The following IL1RAPL2 variants were observed in gnomAD, a reference collection of about 807,000 sequenced individuals.
IL1RAPL2 encodes interleukin 1 receptor accessory protein like 2.
IL1RAPL2 carries 3 observed loss-of-function variants against 44.1 expected under a neutral mutation model. The ratio of observed to expected loss-of-function variants is 0.07; its 90% confidence interval spans 0.03 to 0.18. The LOEUF is 0.18. Among genes scored for constraint, IL1RAPL2 ranks in the 10% least tolerant of loss-of-function variants. IL1RAPL2 has a pLI of 1.00. For synonymous variants in IL1RAPL2, 181 were observed against 178.8 expected, an observed-to-expected ratio of 1.01 and a Z score of -0.10; for missense variants, 391 against 496.4, an observed-to-expected ratio of 0.79 and a Z score of 2.02.
At chrX:105,490,112 G>A (rs765593965) in intron 6 of IL1RAPL2, among the ~76,000 whole-genome samples, 9 of 111,666 alleles carry the variant, frequency 8.1e-5, no homozygotes, top group Non-Finnish European at 1.7e-4. Context: ...ACAGGCATGA[G>A]CCATCGAGCC....
chrX:105,188,025 A>G, intron 2 of IL1RAPL2, among the ~76,000 whole-genome samples: 1 of 111,931 alleles, frequency 8.9e-6, no homozygotes, highest in Admixed American at 9.6e-5. Flanking sequence ...CAAAAAAAGA[A>G]TATTGAAATA....
chrX:105,698,731 G>GA (rs753357123), intron 6 of IL1RAPL2, among the ~76,000 whole-genome samples: 1 of 112,201 alleles, frequency 8.9e-6, no homozygotes, highest in South Asian at 3.6e-4. Context: ...ATCAGTCTGT[G>GA]AAAAAATACT....
At chrX:105,083,295 G>A (rs1259177081) in intron 2 of IL1RAPL2, among the ~76,000 whole-genome samples, 2 of 111,314 alleles carry the variant, frequency 1.8e-5, no homozygotes, top group African/African-American at 6.5e-5. Context: ...TAAAAATATG[G>A]GATTATGTGA....
chrX:105,356,734 A>G (rs1479266403), intron 5 of IL1RAPL2, among the ~76,000 whole-genome samples: 2 of 112,266 alleles, frequency 1.8e-5, no homozygotes, highest in Non-Finnish European at 3.8e-5. Context: ...AATGCCAAAA[A>G]GACATATTAA....
rs777215164 is a variant in IL1RAPL2 at position 105,341,022 on chromosome X, T to C, written c.697+73481T>C. Among the ~76,000 whole-genome samples, 3 of 111,543 alleles carry C rather than the reference T, an allele frequency of 2.7e-5. No individual in the cohort carries two copies. In the Admixed American group the frequency reaches 2.9e-4, roughly 11 times the overall value. ...TTTAACTATATATATCTATTAATTA[T>C]GGAAGTAATTTAACTGACTGAAATT... is the stretch of plus-strand genomic sequence containing the variant. On this transcript the variant is annotated intron_variant, in intron 5 of 10. Coordinates refer to ENST00000372582, the MANE Select transcript of IL1RAPL2 (RefSeq NM_017416.2).
At chrX:104,815,696 T>C (rs1057050949) in intron 2 of IL1RAPL2, among the ~76,000 whole-genome samples, 2 of 111,577 alleles carry the variant, frequency 1.8e-5, no homozygotes, top group African/African-American at 6.5e-5. Flanking sequence ...AGACATAGTA[T>C]AAGATAAAGT....
intron 2 of IL1RAPL2, among the ~76,000 whole-genome samples, chrX:104,915,792 G>T (rs1331277963): frequency 2.7e-5 from 3 of 111,674 alleles, no homozygotes; most frequent in Non-Finnish European, 5.6e-5. Flanking sequence ...CATATGGCTA[G>T]CCCGTTTTCC....
At chrX:105,763,882 G>A (rs1282356969) in intron 10 of IL1RAPL2, among the ~76,000 whole-genome samples, 1 of 110,959 alleles carries the variant, frequency 9.0e-6, no homozygotes, top group Non-Finnish European at 1.9e-5. Flanking sequence ...AATGGAATAC[G>A]AGATTCAGGG....
chrX:105,268,838 A>G (rs1427425769), intron 5 of IL1RAPL2, among the ~76,000 whole-genome samples: 2 of 111,194 alleles, frequency 1.8e-5, no homozygotes, highest in African/African-American at 6.5e-5. Flanking sequence ...TGCTCTTACC[A>G]CAAAAATAAA....
At chrX:104,724,161 G>A (rs1024950422) in intron 2 of IL1RAPL2, among the ~76,000 whole-genome samples, 1 of 111,528 alleles carries the variant, frequency 9.0e-6, no homozygotes, top group African/African-American at 3.2e-5. Context: ...GGAAAAGTAT[G>A]ATTTGATTTG....
chrX:105,269,284 G>C (rs73245767), intron 5 of IL1RAPL2, among the ~76,000 whole-genome samples: 5,937 of 110,554 alleles, frequency 0.054, 180 homozygotes, highest in Non-Finnish European at 0.088. Flanking sequence ...GCTGAGTTAA[G>C]TTGATTGCTA....
At chrX:104,732,541 T>C (rs1181653249) in intron 2 of IL1RAPL2, among the ~76,000 whole-genome samples, 1 of 111,540 alleles carries the variant, frequency 9.0e-6, no homozygotes, top group Non-Finnish European at 1.9e-5. Flanking sequence ...GATACTGTCA[T>C]GCAAAAATAA....
chrX:105,160,786 T>C (rs1602984737), intron 2 of IL1RAPL2, among the ~76,000 whole-genome samples: 1 of 112,178 alleles, frequency 8.9e-6, no homozygotes, highest in East Asian at 2.8e-4. Context: ...TTCTCTGCTT[T>C]TAAACTGGAC....
intron 8 of IL1RAPL2, among the ~76,000 whole-genome samples, chrX:105,747,557 TAC>T (rs1424148044): frequency 3.0e-5 from 3 of 99,290 alleles, no homozygotes; most frequent in Non-Finnish European, 6.0e-5. Flanking sequence ...CACACATATA[TAC>T]ACACATATAT....
At chrX:105,003,351 A>C (rs1028085779) in intron 2 of IL1RAPL2, among the ~76,000 whole-genome samples, 4 of 111,404 alleles carry the variant, frequency 3.6e-5, no homozygotes, top group African/African-American at 1.3e-4. Flanking sequence ...CCCAAAATAC[A>C]GATGCTGAAT....
chrX:104,585,262 TATAATATATTA>T (rs1569487914), intron 1 of IL1RAPL2, among the ~76,000 whole-genome samples: 3 of 28,925 alleles, frequency 1.0e-4, no homozygotes, highest in African/African-American at 4.4e-4. Context: ...ATAATATATA[TATAATATATTA>T]TATATATTAT....
At chrX:104,893,538 G>A (rs928847344) in intron 2 of IL1RAPL2, among the ~76,000 whole-genome samples, 56 of 111,587 alleles carry the variant, frequency 5.0e-4, no homozygotes, top group African/African-American at 1.8e-3. Flanking sequence ...TTACCATTAT[G>A]TAATGGTCTT....
chrX:104,990,385 C>T (rs2030639612), intron 2 of IL1RAPL2, among the ~76,000 whole-genome samples: 1 of 107,351 alleles, frequency 9.3e-6, no homozygotes, highest in Non-Finnish European at 1.9e-5. Flanking sequence ...CATACCCACC[C>T]TCTCTCCCCT....
At chrX:105,313,442 A>T (rs775198837) in intron 5 of IL1RAPL2, among the ~76,000 whole-genome samples, 2 of 111,896 alleles carry the variant, frequency 1.8e-5, no homozygotes, top group African/African-American at 3.2e-5. Context: ...TCCATCTTTT[A>T]GCCACATTTC....
Sources: gnomAD v4.1 joint callset for allele counts (sites outside exome capture counted in the v4.1 genomes callset) on GRCh38, gnomAD v4.1.1 for gene constraint, MANE v1.5 for transcripts, NCBI Gene and HGNC (gene_info 2026-07-23, HGNC 2026-07-21) for gene names.